PYY: variants seen among roughly 807,000 people sequenced by gnomAD.
PYY encodes the protein peptide YY, also known as peptide tyrosine tyrosine.
In PYY, 12 loss-of-function variants were observed where a neutral mutation model predicts 10.3. That is an observed-to-expected ratio of 1.17 (90% confidence interval 0.75 to 1.89). The LOEUF (loss-of-function observed/expected upper bound fraction) is 1.89. Ranked by LOEUF, PYY falls within the 40% of genes most tolerant of loss-of-function variation. The pLI is 0.00. For synonymous variants in PYY, 66 were observed against 62.0 expected (o/e 1.06, Z -0.30); for missense variants, 141 against 134.0 (o/e 1.05, Z -0.26).
intron 1 of PYY, among the ~76,000 whole-genome samples, chr17:43,976,276 T>TATATATACACATATGTATACATGTATAC (rs2048841975): frequency 6.8e-6 from 1 of 146,252 alleles, no homozygotes; most frequent in Non-Finnish European, 1.5e-5. Flanking sequence ...CATGTACGTA[T>TATATATACACATATGTATACATGTATAC]ATATACGCAT....
At chr17:43,971,569 C>CA (rs376423274) in intron 1 of PYY, among the ~76,000 whole-genome samples, 36,981 of 104,882 alleles carry the variant, frequency 0.35, 5,229 homozygotes, top group Middle Eastern at 0.4. Context: ...GGCTCTGTCT[C>CA]AAAAAAAAAA....
At chr17:43,982,482 G>A (rs918788819) in intron 1 of PYY, among the ~76,000 whole-genome samples, 5 of 152,226 alleles carry the variant, frequency 3.3e-5, no homozygotes, top group African/African-American at 1.2e-4. Flanking sequence ...TAGATGTGAT[G>A]CTCTTGTGCA....
intron 1 of PYY, among the ~76,000 whole-genome samples, chr17:43,986,427 C>T (rs384681): frequency 4.0e-5 from 6 of 151,626 alleles, no homozygotes; most frequent in Admixed American, 3.9e-4. Flanking sequence ...CATGTGGCTT[C>T]CTGTGCACCC....
At chr17:43,961,103 G>T (rs1475299733) in intron 2 of PYY, among the ~76,000 whole-genome samples, 5 of 151,984 alleles carry the variant, frequency 3.3e-5, no homozygotes, top group Non-Finnish European at 7.4e-5. Flanking sequence ...GTGCATGCCT[G>T]TAGTCACAGC....
rs75124181 is a variant in PYY, at chr17:43,962,147, T to A, written c.-217-4119A>T. On this transcript the variant is annotated intron_variant, in intron 2 of 6. Transcript: ENST00000360085. ...TTTCCCAGTCTCCCTTGCAGCCAAGTGACTTCTTGTGACTAAGTTCCGGCC... is the reference window on the plus strand; with the variant it reads ...TTTCCCAGTCTCCCTTGCAGCCAAGAGACTTCTTGTGACTAAGTTCCGGCC... 2.6e-4 allele frequency among the ~76,000 whole-genome samples: 39 copies of A among 152,302 alleles called. 2 individuals carry two copies. The East Asian group carries it at 7.5e-3, about 29-fold the overall frequency.
chr17:43,964,674 T>C (rs2048742189), intron 2 of PYY, among the ~76,000 whole-genome samples: 1 of 151,976 alleles, frequency 6.6e-6, no homozygotes, highest in African/African-American at 2.4e-5. Flanking sequence ...CGCTTGAAAA[T>C]TAGCTGTAAT....
intron 1 of PYY, among the ~76,000 whole-genome samples, chr17:43,980,288 C>T (rs1033788924): frequency 7.3e-5 from 11 of 151,028 alleles, no homozygotes; most frequent in East Asian, 1.9e-4. Context: ...CTCTGCCTCC[C>T]GAGTAGCTGG....
chr17:43,985,947 G>A (rs2048913133), intron 1 of PYY, among the ~76,000 whole-genome samples: 1 of 152,194 alleles, frequency 6.6e-6, no homozygotes, highest in African/African-American at 2.4e-5. Context: ...AGAAAAGTCT[G>A]TAGAGGTATT....
At chr17:43,991,170 C>T (rs1001447466) in intron 1 of PYY, among the ~76,000 whole-genome samples, 6 of 151,822 alleles carry the variant, frequency 4.0e-5, no homozygotes, top group Admixed American at 6.6e-5. Context: ...TGGCTCATGC[C>T]TGTAATTCCA....
chr17:43,991,994 C>T (rs1371714493), intron 1 of PYY, among the ~76,000 whole-genome samples: 2 of 151,240 alleles, frequency 1.3e-5, no homozygotes, highest in Non-Finnish European at 3.0e-5. Flanking sequence ...TGGTGGCGGG[C>T]GCCTGTAGCC....
chr17:43,968,265 C>G (rs1272220704), intron 1 of PYY, among the ~76,000 whole-genome samples: 2 of 152,144 alleles, frequency 1.3e-5, no homozygotes, highest in Non-Finnish European at 2.9e-5. Context: ...GCTTTCTTCT[C>G]TCTGTGTCCT....
At chr17:43,977,963 G>T (rs1302194901) in intron 1 of PYY, among the ~76,000 whole-genome samples, 1 of 152,168 alleles carries the variant, frequency 6.6e-6, no homozygotes, top group African/African-American at 2.4e-5. Flanking sequence ...ATCTTGGGAG[G>T]CTGAGGCAGG....
At chr17:44,003,569 C>T (rs1450757080) in intron 1 of PYY, among the ~76,000 whole-genome samples, 1 of 147,270 alleles carries the variant, frequency 6.8e-6, no homozygotes, top group Admixed American at 7.1e-5. Context: ...GCAGGAGAAT[C>T]GCTTGAACCC....
chr17:43,996,694 T>C (rs1004581639), intron 1 of PYY, among the ~76,000 whole-genome samples: 1 of 152,082 alleles, frequency 6.6e-6, no homozygotes, highest in African/African-American at 2.4e-5. Flanking sequence ...TGTTTATTTG[T>C]TCATTTGTTT....
intron 1 of PYY, among the ~76,000 whole-genome samples, chr17:44,000,094 T>C (rs1281947947): frequency 1.3e-5 from 2 of 152,144 alleles, no homozygotes; most frequent in Middle Eastern, 3.2e-3. Context: ...GCTTATTGCA[T>C]GCAGCCTCAA....
At chr17:44,004,115 C>T (rs1006055295) in intron 1 of PYY, among the ~76,000 whole-genome samples, 4 of 152,136 alleles carry the variant, frequency 2.6e-5, no homozygotes, top group African/African-American at 9.7e-5. Context: ...TCACAGAATT[C>T]CTCAAGCTGG....
chr17:43,953,767 C>G (rs892908655), intron 1 of PYY, 83 bp downstream of exon 1: 7 of 306,624 alleles, frequency 2.3e-5, no homozygotes, highest in African/African-American at 1.5e-4. Context: ...TCCTACCACT[C>G]ACCCCCAGCT....
chr17:43,993,063 C>T (rs2048968558), intron 1 of PYY, among the ~76,000 whole-genome samples: 1 of 152,210 alleles, frequency 6.6e-6, no homozygotes, highest in African/African-American at 2.4e-5. Context: ...CCTGTAATCC[C>T]AGCACTTCAG....
At chr17:43,993,055 T>G (rs1046882250) in intron 1 of PYY, among the ~76,000 whole-genome samples, 1 of 152,240 alleles carries the variant, frequency 6.6e-6, no homozygotes, top group East Asian at 1.9e-4. Context: ...GACGCACACC[T>G]GTAATCCCAG....
Sources: gnomAD v4.1 joint callset for allele counts (sites outside exome capture counted in the v4.1 genomes callset) on GRCh38, gnomAD v4.1.1 for gene constraint, MANE v1.5 for transcripts, NCBI Gene and HGNC (gene_info 2026-07-23, HGNC 2026-07-21) for gene names.